Variants in FGF13 observed in about 807,000 individuals in gnomAD.
FGF13 encodes the protein fibroblast growth factor 13.
A neutral mutation model predicts 19.5 loss-of-function variants in FGF13; 2 were observed. The observed-to-expected ratio is 0.10, with a 90% confidence interval of 0.04 to 0.32. The LOEUF (loss-of-function observed/expected upper bound fraction) is 0.32. Ranked by LOEUF, FGF13 falls within the 10% of genes least tolerant of loss-of-function variation. FGF13 has a pLI of 1.00. For missense variants in FGF13, 113 were observed against 192.7 expected (o/e 0.59, Z 2.45); for synonymous variants, 72 against 76.9 (o/e 0.94, Z 0.33).
chrX:138,901,175 C>T (rs1434044600), intron 1 of FGF13, among the ~76,000 whole-genome samples: 1 of 112,265 alleles, frequency 8.9e-6, no homozygotes, highest in Admixed American at 9.4e-5. Context: ...AGCATATTTT[C>T]TGGCACATAA....
chrX:139,028,650 TGAGAGA>T (rs148362246), intron 1 of FGF13, among the ~76,000 whole-genome samples: 50 of 67,832 alleles, frequency 7.4e-4, no homozygotes, highest in African/African-American at 9.7e-4. Context: ...TGTGTGTGTG[TGAGAGA>T]GAGAGAGAAA....
chrX:139,015,451 A>G (rs926549275), intron 1 of FGF13, among the ~76,000 whole-genome samples: 2 of 111,328 alleles, frequency 1.8e-5, no homozygotes, highest in South Asian at 7.4e-4. Flanking sequence ...AAAAATTTCA[A>G]GAAAGTAATC....
At chrX:138,726,871 A>C (rs1279282555) in intron 1 of FGF13, among the ~76,000 whole-genome samples, 1 of 111,587 alleles carries the variant, frequency 9.0e-6, no homozygotes, top group African/African-American at 3.3e-5. Flanking sequence ...AGGGAGGTTA[A>C]ACAATTTGCC....
chrX:139,041,446 T>C (rs763225778), intron 1 of FGF13, among the ~76,000 whole-genome samples: 2 of 111,669 alleles, frequency 1.8e-5, no homozygotes, highest in East Asian at 5.7e-4. Context: ...CTGATACTAA[T>C]ACATGGTTAT....
intron 3 of FGF13, among the ~76,000 whole-genome samples, chrX:138,638,818 C>A (rs1175181990): frequency 9.0e-6 from 1 of 111,707 alleles, no homozygotes; most frequent in East Asian, 2.8e-4. Flanking sequence ...AATTTAGTAT[C>A]TGGCACCTAT....
At chrX:138,989,270 TG>T (rs947959799) in intron 1 of FGF13, among the ~76,000 whole-genome samples, 4 of 111,705 alleles carry the variant, frequency 3.6e-5, no homozygotes, top group African/African-American at 1.3e-4. Flanking sequence ...TGGGATTTTA[TG>T]TTACTGCTGA....
intron 1 of FGF13, among the ~76,000 whole-genome samples, chrX:139,083,888 A>AAAAG (rs1184149431): frequency 2.7e-5 from 3 of 109,130 alleles, no homozygotes; most frequent in African/African-American, 1.0e-4. Context: ...AAATAAATAA[A>AAAAG]AAAGAAAGAA....
intron 3 of FGF13, among the ~76,000 whole-genome samples, chrX:138,846,438 CG>C (rs1569410200): frequency 1.8e-5 from 2 of 111,592 alleles, no homozygotes; most frequent in Admixed American, 9.5e-5. Flanking sequence ...TGCTCATGCA[CG>C]GAAAGAGAGA....
intron 3 of FGF13, among the ~76,000 whole-genome samples, chrX:138,784,221 C>G (rs1365515070): frequency 1.0e-5 from 1 of 97,588 alleles, no homozygotes; most frequent in African/African-American, 3.8e-5. Flanking sequence ...TGCTAGATGA[C>G]GAGTTAGTGG....
intron 3 of FGF13, among the ~76,000 whole-genome samples, chrX:138,685,215 A>C (rs1323307598): frequency 9.0e-6 from 1 of 111,298 alleles, no homozygotes; most frequent in Non-Finnish European, 1.9e-5. Context: ...CAGCAAGAGA[A>C]ACTTTCTAAG....
upstream of FGF13, chrX:139,204,254 TGCC>T (rs920292556): frequency 4.7e-5 from 25 of 526,712 alleles, no homozygotes; most frequent in Admixed American, 1.2e-4. Flanking sequence ...TCCCCACCGC[TGCC>T]GCCGCCGCCG....
rs190615383 is a variant in FGF13 at position 139,062,728 on chromosome X, A to T, written c.-113+140688T>A. Among the ~76,000 whole-genome samples the T allele has an allele frequency of 1.5e-4, 17 of 111,508 alleles. No homozygotes were observed. In the East Asian group the frequency reaches 4.8e-3, roughly 32 times the overall value. ...TACCTTTTTCAATTTCCTCAATGGGACTGGTTTTTAAAGGGAAAGTAACTA... is the reference window on the plus strand; with the variant it reads ...TACCTTTTTCAATTTCCTCAATGGGTCTGGTTTTTAAAGGGAAAGTAACTA... On this transcript the variant is annotated intron_variant, in intron 1 of 2. Coordinates refer to the FGF13 transcript ENST00000421460.
chrX:138,962,930 C>T (rs918123223), intron 1 of FGF13, among the ~76,000 whole-genome samples: 10 of 111,139 alleles, frequency 9.0e-5, no homozygotes, highest in African/African-American at 3.3e-4. Flanking sequence ...ACCAACATGG[C>T]ACATGTATAC....
At chrX:138,944,425 A>G (rs1603053576) in intron 1 of FGF13, among the ~76,000 whole-genome samples, 1 of 110,266 alleles carries the variant, frequency 9.1e-6, no homozygotes, top group East Asian at 2.9e-4. Flanking sequence ...AAGGAATTAT[A>G]TCATCTTATT....
intron 3 of FGF13, among the ~76,000 whole-genome samples, chrX:138,810,611 A>G (rs2090914660): frequency 8.9e-6 from 1 of 112,243 alleles, no homozygotes; most frequent in African/African-American, 3.2e-5. Flanking sequence ...AATGAAACTA[A>G]AGAACTTCTG....
At chrX:139,110,376 C>T (rs1048888842) in intron 1 of FGF13, among the ~76,000 whole-genome samples, 2 of 110,075 alleles carry the variant, frequency 1.8e-5, no homozygotes, top group East Asian at 2.9e-4. Flanking sequence ...TAATTCCCAC[C>T]GAGGGACCCG....
chrX:138,857,732 C>T lies in FGF13; in HGVS notation c.-38-53G>A, dbSNP rs766199098. On this transcript the variant is annotated intron_variant, in intron 2 of 2. Transcript: ENST00000421460. Reference sequence around the variant, plus strand: ...TCAAGTTAGAGCCTCAGAAAAGCAGCGAATGTCTTAAATCAAATATACTCC... The same window carrying T: ...TCAAGTTAGAGCCTCAGAAAAGCAGTGAATGTCTTAAATCAAATATACTCC... 2.0e-5 allele frequency: 20 copies of T among 988,195 alleles called. No individual in the cohort carries two copies. In the African/African-American group the frequency reaches 3.3e-4, roughly 17 times the overall value. The allele number at this position is 988,195 out of a possible 1,213,427, so 81.4% of individuals were successfully genotyped here.
intron 1 of FGF13, among the ~76,000 whole-genome samples, chrX:139,151,286 C>T (rs113549571): frequency 0.099 from 10,992 of 111,081 alleles, 1,072 homozygotes; most frequent in African/African-American, 0.3. Flanking sequence ...TAGAAAACTA[C>T]GGTGAATAGA....
chrX:138,623,613 C>T lies in FGF13; in HGVS notation c.*9237G>A, dbSNP rs1040930886. 3 of 110,228 alleles carry T rather than the reference C, an allele frequency of 2.7e-5. No individual in the cohort carries two copies. Among genetic ancestry groups the T allele is most frequent in the Non-Finnish European group, 5.7e-5 (3 of 52,892 alleles). The allele number at this position is 110,228 out of a possible 1,213,427, so 9.1% of individuals were successfully genotyped here. ...CATGGTGAAACCCCATCTCTATCTA[C>T]TAAAAATACAAAAATTAGCCAGGCA... is the stretch of plus-strand genomic sequence containing the variant. On this transcript the variant is annotated 3_prime_UTR_variant, in exon 5 of 5. Transcript: ENST00000315930.
Sources: allele counts gnomAD v4.1 joint callset (sites outside exome capture counted in the v4.1 genomes callset), GRCh38; gene constraint gnomAD v4.1.1; transcripts MANE v1.5; gene names NCBI Gene and HGNC (gene_info 2026-07-23, HGNC 2026-07-21).